The following ANO4 variants were observed in gnomAD, a reference collection of about 807,000 sequenced individuals.
ANO4 encodes anoctamin 4, also known as anoctamin-4.
A neutral mutation model predicts 141.9 loss-of-function variants in ANO4; 69 were observed. That is an observed-to-expected ratio of 0.49 (90% CI 0.40 to 0.59). ANO4 has a LOEUF of 0.59. ANO4 is among the 20% of genes least tolerant of loss of function. ANO4 has a pLI of 0.00. For synonymous variants in ANO4, 350 were observed against 394.3 expected (o/e 0.89, Z 1.33); for missense variants, 894 against 1,162.2 (o/e 0.77, Z 3.36).
At chr12:101,067,636 T>C (rs1192825191) in intron 14 of ANO4, among the ~76,000 whole-genome samples, 1 of 152,074 alleles carries the variant, frequency 6.6e-6, no homozygotes, top group Non-Finnish European at 1.5e-5. Flanking sequence ...TGAGCCGAGG[T>C]TGCACCACTT....
At chr12:100,894,538 C>T (rs821857) in intron 1 of ANO4, among the ~76,000 whole-genome samples, 29,465 of 151,982 alleles carry the variant, frequency 0.19, 3,127 homozygotes, top group Non-Finnish European at 0.24. Context: ...ACAAATTCTG[C>T]CCCCTCTTAT....
At chr12:100,745,210 A>G (rs2032049203) in intron 3 of ANO4, among the ~76,000 whole-genome samples, 1 of 152,216 alleles carries the variant, frequency 6.6e-6, no homozygotes, top group African/African-American at 2.4e-5. Flanking sequence ...CTAAAAGCTC[A>G]TGATTTTGCA....
intron 1 of ANO4, among the ~76,000 whole-genome samples, chr12:100,844,695 T>C (rs1348227191): frequency 6.6e-6 from 1 of 151,732 alleles, no homozygotes; most frequent in Non-Finnish European, 1.5e-5. Flanking sequence ...TTGGAGAGGA[T>C]AGATATAGAG....
chr12:100,966,409 A>G (rs1405293375), intron 5 of ANO4, among the ~76,000 whole-genome samples: 1 of 152,206 alleles, frequency 6.6e-6, no homozygotes, highest in Non-Finnish European at 1.5e-5. Context: ...AGGTAGATAA[A>G]TGAATATAAA....
intron 14 of ANO4, among the ~76,000 whole-genome samples, chr12:101,071,790 G>A (rs1032666498): frequency 1.3e-5 from 2 of 151,940 alleles, no homozygotes; most frequent in African/African-American, 4.8e-5. Flanking sequence ...GCCTGTAGCA[G>A]AATATCTCAT....
intron 1 of ANO4, among the ~76,000 whole-genome samples, chr12:100,834,119 C>T (rs1466197530): frequency 6.6e-6 from 1 of 152,134 alleles, no homozygotes; most frequent in African/African-American, 2.4e-5. Context: ...TGAACAGTCT[C>T]ATAACAGGAG....
intron 3 of ANO4, among the ~76,000 whole-genome samples, chr12:100,923,823 G>A (rs550542072): frequency 5.9e-5 from 9 of 152,068 alleles, no homozygotes; most frequent in South Asian, 2.1e-4. Context: ...TTTAATGATC[G>A]CCATTCTAAC....
chr12:100,975,161 CT>C (rs60844353), intron 7 of ANO4, among the ~76,000 whole-genome samples: 650 of 140,728 alleles, frequency 4.6e-3, no homozygotes, highest in Non-Finnish European at 4.5e-3. Flanking sequence ...TTAGCCCATT[CT>C]TTTTTTTTTT....
chr12:101,074,734 G>C (rs971965960), intron 14 of ANO4, among the ~76,000 whole-genome samples: 2 of 152,156 alleles, frequency 1.3e-5, no homozygotes, highest in African/African-American at 4.8e-5. Flanking sequence ...TTATTTAATA[G>C]GCCCTGGTGT....
At chr12:100,863,336 AG>A (rs1037199828) in intron 1 of ANO4, among the ~76,000 whole-genome samples, 3 of 152,170 alleles carry the variant, frequency 2.0e-5, no homozygotes, top group African/African-American at 7.2e-5. Flanking sequence ...GAACAGAAAA[AG>A]GGTGACCAGT....
At chr12:100,962,622 T>C (rs567822340) in intron 5 of ANO4, among the ~76,000 whole-genome samples, 28 of 152,326 alleles carry the variant, frequency 1.8e-4, no homozygotes, top group Middle Eastern at 3.4e-3. Context: ...TGGCAGAATT[T>C]AGTTTTCCTT....
chr12:100,950,382 G>A (rs527844467), intron 5 of ANO4, among the ~76,000 whole-genome samples: 1 of 152,294 alleles, frequency 6.6e-6, no homozygotes, highest in African/African-American at 2.4e-5. Flanking sequence ...ACCAAAGAAG[G>A]AAGAAAGCAG....
intron 1 of ANO4, among the ~76,000 whole-genome samples, chr12:100,720,889 T>G (rs1293251990): frequency 3.3e-5 from 5 of 152,196 alleles, no homozygotes; most frequent in Non-Finnish European, 7.3e-5. Context: ...CAGCCCTATA[T>G]TCATTTGAAG....
intron 3 of ANO4, among the ~76,000 whole-genome samples, chr12:100,749,732 A>T (rs1047422610): frequency 6.6e-6 from 1 of 152,220 alleles, no homozygotes; most frequent in Non-Finnish European, 1.5e-5. Context: ...GCAAATAATT[A>T]TATATTTCAG....
chr12:100,785,306 G>A (rs910813864), intron 3 of ANO4, among the ~76,000 whole-genome samples: 1 of 152,090 alleles, frequency 6.6e-6, no homozygotes, highest in Non-Finnish European at 1.5e-5. Flanking sequence ...ATATTCTATG[G>A]GTTTGGACAA....
At chr12:100,758,855 G>T (rs1369927882) in intron 3 of ANO4, among the ~76,000 whole-genome samples, 2 of 152,044 alleles carry the variant, frequency 1.3e-5, no homozygotes, top group Admixed American at 1.3e-4. Context: ...TTTGGTTTGT[G>T]ACAACATTAC....
chr12:100,989,114 G>A (rs1353269701), intron 8 of ANO4, among the ~76,000 whole-genome samples: 1 of 152,128 alleles, frequency 6.6e-6, no homozygotes, highest in Non-Finnish European at 1.5e-5. Flanking sequence ...CTCTGAAATA[G>A]CCGAGCTGAT....
intron 3 of ANO4, among the ~76,000 whole-genome samples, chr12:100,776,797 C>A (rs928170946): frequency 1.3e-5 from 2 of 152,186 alleles, no homozygotes; most frequent in East Asian, 3.9e-4. Flanking sequence ...AGACTTCCTT[C>A]TCTTTTGCAT....
chr12:100,876,540 GGA>G (rs2039317921), intron 1 of ANO4, among the ~76,000 whole-genome samples: 1 of 152,202 alleles, frequency 6.6e-6, no homozygotes, highest in Non-Finnish European at 1.5e-5. Context: ...GAGGGATTCA[GGA>G]GAGAGGGAGA....
Sources: gnomAD v4.1 joint callset for allele counts (sites outside exome capture counted in the v4.1 genomes callset) on GRCh38, gnomAD v4.1.1 for gene constraint, MANE v1.5 for transcripts, NCBI Gene and HGNC (gene_info 2026-07-23, HGNC 2026-07-21) for gene names.